TCF12: variants seen among roughly 807,000 people sequenced by gnomAD.
TCF12 encodes DNA-binding protein HTF4.
In TCF12, 45 loss-of-function variants were observed where a neutral mutation model predicts 86.0. The observed-to-expected ratio is 0.52, with a 90% CI of 0.41 to 0.67. The LOEUF (loss-of-function observed/expected upper bound fraction) is 0.67. Among genes scored for constraint, TCF12 ranks in the 30% least tolerant of loss-of-function variants. The pLI is 0.00. For missense variants in TCF12, 881 were observed against 859.9 expected, an observed-to-expected ratio of 1.02 and a Z score of -0.31; for synonymous variants, 330 against 299.6, an observed-to-expected ratio of 1.10 and a Z score of -1.05.
intron 5 of TCF12, among the ~76,000 whole-genome samples, chr15:57,098,349 C>T (rs2049486457): frequency 6.6e-6 from 1 of 152,130 alleles, no homozygotes; most frequent in Non-Finnish European, 1.5e-5. Context: ...TACATTATAG[C>T]TCTGCTGTCT....
chr15:57,080,492 G>A (rs1004751740), intron 4 of TCF12, among the ~76,000 whole-genome samples: 17 of 152,154 alleles, frequency 1.1e-4, no homozygotes, highest in African/African-American at 4.1e-4. Flanking sequence ...GGGATAATAG[G>A]TCTGTCTCTT....
chr15:57,219,554 C>T (rs759680559), intron 8 of TCF12: 7 of 1,613,538 alleles, frequency 4.3e-6, no homozygotes, highest in Non-Finnish European at 5.9e-6. Flanking sequence ...CTGGAATGGG[C>T]AGCAATTCTT....
intron 6 of TCF12, among the ~76,000 whole-genome samples, chr15:57,170,681 T>TAA (rs1567558007): frequency 2.9e-3 from 5 of 1,754 alleles, no homozygotes; most frequent in East Asian, 0.016. Flanking sequence ...ATATAATATA[T>TAA]TATATATAAT....
At chr15:56,958,905 G>T (rs1021692643) in intron 3 of TCF12, among the ~76,000 whole-genome samples, 8 of 151,992 alleles carry the variant, frequency 5.3e-5, no homozygotes, top group African/African-American at 1.9e-4. Context: ...TTTAATTTTG[G>T]GGATGCCTGG....
intron 13 of TCF12, among the ~76,000 whole-genome samples, chr15:57,249,091 A>C (rs1484775282): frequency 6.6e-6 from 1 of 152,224 alleles, no homozygotes; most frequent in Non-Finnish European, 1.5e-5. Flanking sequence ...TTAATAATTA[A>C]AGGTATTTTT....
chr15:57,174,832 T>G (rs2055791795), intron 6 of TCF12, among the ~76,000 whole-genome samples: 1 of 152,154 alleles, frequency 6.6e-6, no homozygotes. Context: ...ATGGCAAAGC[T>G]TCAACAGTGA....
chr15:57,047,674 A>G (rs1596292283), intron 3 of TCF12, among the ~76,000 whole-genome samples: 2 of 152,360 alleles, frequency 1.3e-5, no homozygotes, highest in African/African-American at 4.8e-5. Context: ...TATAAAGAAA[A>G]TATTAGCCTC....
intron 3 of TCF12, among the ~76,000 whole-genome samples, chr15:56,964,488 C>G (rs2061914627): frequency 6.6e-6 from 1 of 152,158 alleles, no homozygotes; most frequent in Non-Finnish European, 1.5e-5. Context: ...TGCTTCCCAG[C>G]CATTGCTCAA....
chr15:57,170,677 TA>T (rs2055303303), intron 6 of TCF12, among the ~76,000 whole-genome samples: 1 of 1,312 alleles, frequency 7.6e-4, no homozygotes, highest in African/African-American at 2.5e-3. Flanking sequence ...ATATATATAA[TA>T]TATTATATAT....
At chr15:57,079,524 C>T (rs1047097455) in intron 4 of TCF12, among the ~76,000 whole-genome samples, 16 of 152,170 alleles carry the variant, frequency 1.1e-4, no homozygotes, top group South Asian at 2.1e-4. Context: ...TATAAATTCA[C>T]ATAGTTTGAT....
intron 12 of TCF12, among the ~76,000 whole-genome samples, chr15:57,240,188 A>G (rs2059552269): frequency 6.6e-6 from 1 of 152,232 alleles, no homozygotes; most frequent in Admixed American, 6.5e-5. Flanking sequence ...ATATCTGTAC[A>G]TTGAACCCTC....
At chr15:57,243,940 A>G (rs145791378) in intron 13 of TCF12, among the ~76,000 whole-genome samples, 4 of 152,240 alleles carry the variant, frequency 2.6e-5, no homozygotes, top group Admixed American at 2.0e-4. Context: ...GTATAGTGGT[A>G]TGGTCTTGGC....
intron 4 of TCF12, chr15:57,072,706 A>G: frequency 7.7e-7 from 1 of 1,306,454 alleles, no homozygotes; most frequent in Non-Finnish European, 1.0e-6. Flanking sequence ...GAAGGGTCAG[A>G]GAATTAAAGT....
At chr15:56,918,330 G>C (rs1331203732), upstream of TCF12, 1 of 448,924 alleles carries the variant, frequency 2.2e-6, no homozygotes, top group Non-Finnish European at 4.5e-6. Flanking sequence ...CCGAGAACCA[G>C]CAAGACCAAC....
chr15:57,101,091 G>A (rs1234668851), intron 5 of TCF12, among the ~76,000 whole-genome samples: 3 of 151,960 alleles, frequency 2.0e-5, no homozygotes, highest in Admixed American at 2.0e-4. Context: ...GGAAAATTCA[G>A]CCTTTGCCTT....
intron 4 of TCF12, among the ~76,000 whole-genome samples, chr15:57,084,925 G>T (rs979629455): frequency 6.6e-6 from 1 of 152,012 alleles, no homozygotes; most frequent in African/African-American, 2.4e-5. Context: ...AAAATGTTTA[G>T]ATATGTCACA....
intron 3 of TCF12, among the ~76,000 whole-genome samples, chr15:57,031,810 C>T (rs2066208552): frequency 6.6e-6 from 1 of 152,140 alleles, no homozygotes; most frequent in Non-Finnish European, 1.5e-5. Context: ...TTGAGGTCAT[C>T]CCTTGTTATT....
intron 3 of TCF12, among the ~76,000 whole-genome samples, chr15:57,045,158 A>T (rs2067147737): frequency 6.6e-6 from 1 of 152,248 alleles, no homozygotes. Flanking sequence ...AAATGACTCC[A>T]TGTGAGATGT....
chr15:57,262,737 A>G lies in TCF12; in HGVS notation c.1583-375A>G, dbSNP rs188380763. 3.2e-3 allele frequency among the ~76,000 whole-genome samples: 492 copies of G among 152,338 alleles called. 2 individuals are homozygous for G. The highest frequency in any genetic ancestry group is 5.0e-3 in the Non-Finnish European group (342 of 68,020). ...AAAGTTCTCCCAGTTACATTTAACCATGATGCCTGTTTTACTGTTTATCCA... is the reference window on the plus strand; with the variant it reads ...AAAGTTCTCCCAGTTACATTTAACCGTGATGCCTGTTTTACTGTTTATCCA... On this transcript the variant is annotated intron_variant, in intron 17 of 20. Transcript: ENST00000333725.
Sources: gnomAD v4.1 joint callset for allele counts (sites outside exome capture counted in the v4.1 genomes callset) on GRCh38, gnomAD v4.1.1 for gene constraint, MANE v1.5 for transcripts, NCBI Gene and HGNC (gene_info 2026-07-23, HGNC 2026-07-21) for gene names.